The following RND1 variants were observed in gnomAD, a reference collection of about 807,000 sequenced individuals.
RND1 encodes Rho family GTPase 1, also known as rho-related GTP-binding protein Rho6.
In RND1, 9 loss-of-function variants were observed where a neutral mutation model predicts 27.1. That is an observed-to-expected ratio of 0.33 (90% confidence interval 0.20 to 0.58). The LOEUF (loss-of-function observed/expected upper bound fraction) is 0.58, where lower values mean the gene tolerates loss of function less well. Among genes scored for constraint, RND1 ranks in the 20% least tolerant of loss-of-function variants. The probability of loss-of-function intolerance (pLI) is 0.86; values close to 1 mark genes in which losing one functional copy is unlikely to be tolerated. For synonymous variants in RND1, 108 were observed against 115.7 expected, an observed-to-expected ratio of 0.93 and a Z score of 0.43; for missense variants, 253 against 292.2, an observed-to-expected ratio of 0.87 and a Z score of 0.98.
chr12:48,865,308 C>G (rs1938971994), intron 1 of RND1: 12 of 401,230 alleles, frequency 3.0e-5, no homozygotes, highest in South Asian at 1.7e-4. Context: ...AGCGGATAGG[C>G]AGGGATTACG....
chr12:48,864,369 T>G (rs1376579332), intron 2 of RND1, among the ~76,000 whole-genome samples: 2 of 149,406 alleles, frequency 1.3e-5, no homozygotes, highest in East Asian at 3.9e-4. Flanking sequence ...TTGGCTTTGC[T>G]CTGGGGAAGT....
At chr12:48,859,060 AC>A (rs1229613004) in intron 4 of RND1, 1 of 147,984 alleles carries the variant, frequency 6.8e-6, no homozygotes, top group African/African-American at 2.5e-5. Context: ...CCGGGTTCAC[AC>A]CATTCTCCTG....
intron 2 of RND1, among the ~76,000 whole-genome samples, chr12:48,863,812 C>A (rs1938950328): frequency 6.6e-6 from 1 of 152,094 alleles, no homozygotes; most frequent in Non-Finnish European, 1.5e-5. Context: ...GATTTACGGT[C>A]CCTTTTTAAA....
intron 2 of RND1, 37 bp from the exon 3 acceptor site, chr12:48,862,155 G>C (rs773406918): frequency 7.6e-7 from 1 of 1,318,644 alleles, no homozygotes; most frequent in African/African-American, 1.4e-5. Flanking sequence ...GTGAGCCATG[G>C]TGTTTTCCTT....
intron 3 of RND1, among the ~76,000 whole-genome samples, chr12:48,861,429 C>T (rs1238660414): frequency 2.0e-5 from 3 of 152,184 alleles, no homozygotes; most frequent in African/African-American, 7.2e-5. Context: ...ACCATATAGG[C>T]ATGGATCTGC....
chr12:48,860,972 G>A (rs1398205640), intron 4 of RND1, 25 bp downstream of exon 4: 7 of 1,612,276 alleles, frequency 4.3e-6, no homozygotes, highest in Non-Finnish European at 5.9e-6. Flanking sequence ...TCCACCCCAC[G>A]ACATGCACTT....
At chr12:48,865,197 A>G (rs2137511020) in intron 1 of RND1, among the ~76,000 whole-genome samples, 2 of 152,330 alleles carry the variant, frequency 1.3e-5, no homozygotes, top group South Asian at 2.1e-4. Context: ...GCCAAAGCCA[A>G]TCCTAGCTCA....
At chr12:48,863,666 GGGGA>G (rs545330721) in intron 2 of RND1, among the ~76,000 whole-genome samples, 72 of 152,212 alleles carry the variant, frequency 4.7e-4, no homozygotes, top group Admixed American at 1.4e-3. Context: ...ATTTTTGTTT[GGGGA>G]GGAAAGGCTC....
chr12:48,865,181 C>T (rs1364209386), intron 1 of RND1, among the ~76,000 whole-genome samples: 1 of 152,200 alleles, frequency 6.6e-6, no homozygotes, highest in East Asian at 1.9e-4. Flanking sequence ...TTTGAGAGAG[C>T]CACAGGCCAA....
At chr12:48,862,141 G>T in intron 2 of RND1, 23 bp from the exon 3 acceptor site, 2 of 1,430,930 alleles carry the variant, frequency 1.4e-6, no homozygotes, top group South Asian at 1.1e-5. Context: ...AGAAAGAGCT[G>T]ATGGTGAGCC....
At chr12:48,861,283 T>C (rs778566076) in intron 3 of RND1, 152 bp from the exon 4 acceptor site, 2 of 821,718 alleles carry the variant, frequency 2.4e-6, no homozygotes, top group South Asian at 1.8e-5. Context: ...AGCATCACCG[T>C]TGCACTAATT....
intron 4 of RND1, chr12:48,858,501 T>G: frequency 2.8e-6 from 1 of 352,846 alleles, no homozygotes; most frequent in Non-Finnish European, 5.1e-6. Flanking sequence ...ACTATATTGA[T>G]GCCAAACTAA....
Position 48,860,987 on chromosome 12 carries a change from G to A in RND1, c.453+10C>T. Reference sequence around the variant, plus strand: ...TCCACCCCACGACATGCACTTGCATGCGCACACACCTGCTCATAGGAGATG... The same window carrying A: ...TCCACCCCACGACATGCACTTGCATACGCACACACCTGCTCATAGGAGATG... On this transcript the variant is annotated intron_variant, in intron 4 of 4. Transcript: ENST00000309739. 1.9e-6 allele frequency: 3 copies of A among 1,612,866 alleles called. No homozygotes were observed. The highest frequency in any genetic ancestry group is 2.5e-6 in the Non-Finnish European group (3 of 1,180,024).
Position 48,861,067 on chromosome 12 carries a change from T to C in RND1, c.383A>G (p.Asp128Gly). ...TRVLLIGCKTDLRTDLSTLME... is the reference protein window; with the variant it reads ...TRVLLIGCKTGLRTDLSTLME... ...CAGAGTACTCAGGTCTGTTCGCAGG[T>C]CTGTCTTGCAGCCAATGAGCAAAAC... Residue 128 changes from aspartate (D) to glycine (G), a missense_variant, in exon 4 of 5, where the codon GAC (aspartate) becomes GGC (glycine). Coordinates refer to ENST00000309739, the MANE Select transcript of RND1 (RefSeq NM_014470.4). 6.2e-7 allele frequency: 1 copy of C among 1,614,090 alleles called. No homozygotes were observed. Among genetic ancestry groups the C allele is most frequent in the Non-Finnish European group, 8.5e-7 (1 of 1,180,008 alleles).
At chr12:48,858,335 A>C in intron 4 of RND1, 94 bp from the exon 5 acceptor site, 3 of 1,386,572 alleles carry the variant, frequency 2.2e-6, no homozygotes. Context: ...TCCAGAGGGG[A>C]CCCAGCTGCC....
In RND1 at chr12:48,865,812, G is replaced by T; in HGVS notation, c.-45C>A. The T allele has an allele frequency of 6.5e-7, 1 of 1,544,220 alleles. No homozygotes were observed. ...CTTGAACTTCGATTCAGAAGGGAGG[G>T]TTGCGCCAGGTGCGTCTCAGCACGC... On this transcript the variant is annotated 5_prime_UTR_variant, in exon 1 of 5. Transcript: ENST00000309739.
chr12:48,865,462 A>T (rs1196180159), intron 1 of RND1, 186 bp downstream of exon 1: 9 of 651,468 alleles, frequency 1.4e-5, no homozygotes, highest in Non-Finnish European at 2.1e-5. Context: ...GAAGTGGAAC[A>T]GGTCTCAGGG....
chr12:48,862,754 T>C (rs1938932969), intron 2 of RND1, among the ~76,000 whole-genome samples: 3 of 152,036 alleles, frequency 2.0e-5, no homozygotes, highest in Admixed American at 6.6e-5. Flanking sequence ...TGGCTGGGGA[T>C]TTAGAGGCTA....
Position 48,857,888 on chromosome 12 carries a change from C to A in RND1, c.*108G>T. On this transcript the variant is annotated 3_prime_UTR_variant, in exon 5 of 5. Coordinates refer to ENST00000309739, the MANE Select transcript of RND1 (RefSeq NM_014470.4). The stretch of plus-strand genomic sequence containing the variant: ...CCTTCCAAGCCCTCACCGTGGCCAT[C>A]TGAAAAACTCATGTCCAGTGTCCTA... The A allele has an allele frequency of 1.4e-6, 2 of 1,381,728 alleles. No homozygotes were observed. The highest frequency in any genetic ancestry group is 2.5e-5 in the Admixed American group (1 of 40,584). The allele number at this position is 1,381,728 out of a possible 1,614,324, so 85.6% of individuals were successfully genotyped here.
Sources: allele counts gnomAD v4.1 joint callset (sites outside exome capture counted in the v4.1 genomes callset), GRCh38; gene constraint gnomAD v4.1.1; transcripts MANE v1.5; gene names NCBI Gene and HGNC (gene_info 2026-07-23, HGNC 2026-07-21).